PSMB4: variants seen among roughly 807,000 people sequenced by gnomAD.
The protein encoded by PSMB4 is proteasome subunit beta type-4.
Under a neutral mutation model 35.2 loss-of-function variants are expected in PSMB4, and 16 were observed. The ratio of observed to expected loss-of-function variants is 0.45; its 90% CI spans 0.31 to 0.69. The LOEUF is 0.69. Among genes scored for constraint, PSMB4 ranks in the 30% least tolerant of loss-of-function variants. The probability of loss-of-function intolerance (pLI) is 0.06; values close to 1 mark genes in which losing one functional copy is unlikely to be tolerated. For synonymous variants in PSMB4, 144 were observed against 134.1 expected (o/e 1.07, Z -0.51); for missense variants, 333 against 351.8 (o/e 0.95, Z 0.43).
In PSMB4 at chr1:151,400,794, A is replaced by T; in HGVS notation, c.525A>T (p.Val175=). The change falls in exon 4 of 7, where the codon GTA becomes GTT. Residue 175 remains valine (V), a synonymous_variant. Coordinates refer to ENST00000290541, the MANE Select transcript of PSMB4 (RefSeq NM_002796.3). ...SFLGYVDMLG[V]AYEAPSLATG... Reference sequence around the variant, plus strand: ...TCGGTTATGTGGACATGCTTGGTGTAGCCTATGAAGCCCCTTCGCTGGCCA... The same window carrying T: ...TCGGTTATGTGGACATGCTTGGTGTTGCCTATGAAGCCCCTTCGCTGGCCA... 1 of 1,614,160 alleles carries T rather than the reference A, an allele frequency of 6.2e-7. No individual in the cohort carries two copies. The highest frequency in any genetic ancestry group is 8.5e-7 in the Non-Finnish European group (1 of 1,180,018).
At chr1:151,400,904 T>TG in intron 4 of PSMB4, 59 bp downstream of exon 4, 1 of 1,494,892 alleles carries the variant, frequency 6.7e-7, no homozygotes, top group South Asian at 1.1e-5. Flanking sequence ...GATTAGTGGT[T>TG]GTCTGCTTTT....
chr1:151,399,946 C>G, intron 1 of PSMB4, 35 bp from the exon 2 acceptor site: 1 of 1,582,100 alleles, frequency 6.3e-7, no homozygotes, highest in Non-Finnish European at 8.7e-7. Flanking sequence ...CGCAGTCCAT[C>G]CCCCCTCTCA....
Position 151,399,682 on chromosome 1 carries a change from T to C in PSMB4, c.95T>C (p.Met32Thr), listed in dbSNP as rs752044137. ...ATTCCGTCCACTCCCGATTCCTTCA[T>C]GGATCCGGCGTCTGCACTTTACAGA... The part of the protein sequence containing the change: ...YRIPSTPDSF[M>T]DPASALYRGP... Residue 32 changes from methionine (M) to threonine (T), a missense_variant, in exon 1 of 7, where the codon ATG becomes ACG. Transcript: ENST00000290541. 4.3e-6 allele frequency: 7 copies of C among 1,614,168 alleles called. No homozygotes were observed. The Admixed American group carries it at 6.7e-5, about 15-fold the overall frequency.
intron 2 of PSMB4, 57 bp downstream of exon 2, chr1:151,400,244 T>C: frequency 6.4e-7 from 1 of 1,566,042 alleles, no homozygotes; most frequent in Non-Finnish European, 8.8e-7. Flanking sequence ...AGTCCCCTGT[T>C]TTTTATTCCC....
intron 2 of PSMB4, 103 bp from the exon 3 acceptor site, chr1:151,400,339 G>C: frequency 6.7e-7 from 1 of 1,487,470 alleles, no homozygotes; most frequent in South Asian, 1.2e-5. Flanking sequence ...TAAAGTTTTT[G>C]GCATTAGGTG....
Position 151,400,013 on chromosome 1 carries a change from G to T in PSMB4, c.173G>T (p.Gly58Val). The T allele has an allele frequency of 6.2e-7, 1 of 1,614,054 alleles. No homozygotes were observed. The highest frequency in any genetic ancestry group is 8.5e-7 in the Non-Finnish European group (1 of 1,179,964). Residue 58 changes from glycine to valine, a missense_variant, in exon 2 of 7, where the codon GGC becomes GTC. Transcript: ENST00000290541. ...NPMVTGTSVL[G>V]VKFEGGVVIA... ...ATGGTGACCGGGACCTCAGTCCTCG[G>T]CGTTAAGTTCGAGGGCGGAGTGGTG...
At position 151,401,611 on chromosome 1, in the gene PSMB4, G is replaced by A. The variant is rs1171659648; in HGVS notation, c.763G>A (p.Asp255Asn). 3 of 1,609,864 alleles carry A rather than the reference G, an allele frequency of 1.9e-6. No individual in the cohort carries two copies. The highest frequency in any genetic ancestry group is 1.6e-4 in the Middle Eastern group (1 of 6,078). Reference protein sequence around the residue: ...EGPLSTETNWDIAHMISGFE With the variant: ...EGPLSTETNWNIAHMISGFE ...ACCATTGTCTACAGAGACCAACTGG[G>A]ATATTGCCCACATGATCAGGTGAGT... is the stretch of plus-strand genomic sequence containing the variant. Residue 255 changes from aspartate to asparagine, a missense_variant, in exon 6 of 7, where the codon GAT becomes AAT. By Grantham distance (23) the Asp-to-Asn change is conservative (BLOSUM62 1). Coordinates refer to ENST00000290541, the MANE Select transcript of PSMB4 (RefSeq NM_002796.3).
rs762622171 is a variant in PSMB4 at position 151,400,078 on chromosome 1, C to A, written c.238C>A (p.Arg80Ser). The part of the protein sequence containing the change: ...DMLGSYGSLA[R>S]FRNISRIMRV... ...GCTGGGATCCTACGGCTCCTTGGCTCGTTTCCGCAACATCTCTCGCATTAT... is the reference window on the plus strand; with the variant it reads ...GCTGGGATCCTACGGCTCCTTGGCTAGTTTCCGCAACATCTCTCGCATTAT... The change falls in exon 2 of 7, where the codon CGT becomes AGT. Residue 80 changes from arginine (R) to serine (S), a missense_variant. Transcript: ENST00000290541. The A allele has an allele frequency of 2.5e-6, 4 of 1,614,114 alleles. No individual in the cohort carries two copies. In the South Asian group the frequency reaches 4.4e-5, roughly 18 times the overall value.
At chr1:151,399,854 G>C in intron 1 of PSMB4, 127 bp downstream of exon 1, 1 of 1,559,346 alleles carries the variant, frequency 6.4e-7, no homozygotes, top group African/African-American at 1.4e-5. Context: ...GGGGAGCTCA[G>C]GGCGCGGAGT....
chr1:151,400,425 A>T lies in PSMB4; in HGVS notation c.348-17A>T. 1.2e-6 allele frequency: 2 copies of T among 1,610,646 alleles called. No homozygotes were observed. Among genetic ancestry groups the T allele is most frequent in the Non-Finnish European group, 1.7e-6 (2 of 1,178,702 alleles). ...GACTTAATTCTCTCCCTTTTCTCAC[A>T]ACCAATTCCTTTTAAGGATTGATGA... On this transcript the variant is annotated splice_polypyrimidine_tract_variant and intron_variant, in intron 2 of 6. Transcript: ENST00000290541.
chr1:151,399,662 G>A lies in PSMB4; in HGVS notation c.75G>A (p.Pro25=), dbSNP rs7172. 0.76 allele frequency: 1,225,270 copies of A among 1,613,768 alleles called. 485,174 individuals are homozygous for A. The highest frequency in any genetic ancestry group is 0.82 in the Non-Finnish European group (973,075 of 1,179,946). The change falls in exon 1 of 7, where the codon CCG becomes CCA. Residue 25 remains proline (P), a synonymous_variant. Coordinates refer to ENST00000290541, the MANE Select transcript of PSMB4 (RefSeq NM_002796.3). ...CCCCAGGACAGTTTTACCGCATTCC[G>A]TCCACTCCCGATTCCTTCATGGATC... ...GPAPGQFYRI[P]STPDSFMDPA...
In PSMB4 at chr1:151,401,287, G is replaced by C. The variant is rs202077271; in HGVS notation, c.625G>C (p.Glu209Gln). 5.6e-6 allele frequency: 9 copies of C among 1,614,142 alleles called. No homozygotes were observed. The highest frequency in any genetic ancestry group is 5.5e-5 in the South Asian group (5 of 91,086). Reference sequence around the variant, plus strand: ...GAAGCAGCCAGTGCTAAGCCAGACCGAGGCCCGCGACTTAGTAGAACGCTG... The same window carrying C: ...GAAGCAGCCAGTGCTAAGCCAGACCCAGGCCCGCGACTTAGTAGAACGCTG... The part of the protein sequence containing the change: ...LEKQPVLSQT[E>Q]ARDLVERCMR... Residue 209 changes from glutamate to glutamine, a missense_variant, in exon 5 of 7, where the codon GAG becomes CAG. By Grantham distance (29) the Glu-to-Gln change is conservative. Transcript: ENST00000290541.
At position 151,401,541 on chromosome 1, in the gene PSMB4, G is replaced by GT. The variant is rs1652838151; in HGVS notation, c.696dup (p.Gln233SerfsTer11). 1 of 1,608,642 alleles carries GT rather than the reference G, an allele frequency of 6.2e-7. No individual in the cohort carries two copies. Among genetic ancestry groups the GT allele is most frequent in the Non-Finnish European group, 8.5e-7 (1 of 1,174,960 alleles). ...TTATTGAATGCTCTGCTTTCTTCCA[G>GT]TTTCAAATCGCCACTGTCACCGAAA... On this transcript the variant is annotated frameshift_variant and splice_region_variant. Transcript: ENST00000290541. LOFTEE classifies it high-confidence loss of function.
Position 151,399,624 on chromosome 1 carries a change from G to GC in PSMB4, c.38dup (p.Pro16SerfsTer45), listed in dbSNP as rs1652747141. 1 of 1,613,956 alleles carries GC rather than the reference G, an allele frequency of 6.2e-7. No individual in the cohort carries two copies. The highest frequency in any genetic ancestry group is 8.5e-7 in the Non-Finnish European group (1 of 1,180,006). On this transcript the variant is annotated frameshift_variant, in exon 1 of 7. Transcript: ENST00000290541. LOFTEE classifies it high-confidence loss of function. Reference sequence around the variant, plus strand: ...TTTGGGGTCGCGGTCCGGACTTTGGGCGGGGGGTCCGGCCCCAGGACAGTT... The same window carrying GC: ...TTTGGGGTCGCGGTCCGGACTTTGGGCCGGGGGGTCCGGCCCCAGGACAGTT...
intron 2 of PSMB4, 84 bp downstream of exon 2, chr1:151,400,271 G>A (rs1652767411): frequency 6.0e-6 from 9 of 1,503,380 alleles, no homozygotes; most frequent in Non-Finnish European, 8.3e-6. Flanking sequence ...GGGATGGGGG[G>A]ACTTGTTGCA....
intron 4 of PSMB4, 73 bp downstream of exon 4, chr1:151,400,918 C>T: frequency 2.1e-6 from 3 of 1,423,548 alleles, no homozygotes; most frequent in Non-Finnish European, 3.0e-6. Flanking sequence ...TGCTTTTCTC[C>T]TGAAATTCTG....
rs1235715459 is a variant in PSMB4 at position 151,399,625 on chromosome 1, C to CG, written c.44dup (p.Pro16SerfsTer45). On this transcript the variant is annotated frameshift_variant, in exon 1 of 7. Coordinates refer to ENST00000290541, the MANE Select transcript of PSMB4 (RefSeq NM_002796.3). LOFTEE classifies it high-confidence loss of function. ...TTGGGGTCGCGGTCCGGACTTTGGGCGGGGGGTCCGGCCCCAGGACAGTTT... is the reference window on the plus strand; with the variant it reads ...TTGGGGTCGCGGTCCGGACTTTGGGCGGGGGGGTCCGGCCCCAGGACAGTTT... 11 of 1,613,544 alleles carry CG rather than the reference C, an allele frequency of 6.8e-6. No homozygotes were observed. Among genetic ancestry groups the CG allele is most frequent in the Middle Eastern group, 1.7e-4 (1 of 6,058 alleles).
rs72996027 is a variant in PSMB4 at position 151,401,419 on chromosome 1, G to A, written c.693+64G>A. On this transcript the variant is annotated intron_variant, in intron 5 of 6. Transcript: ENST00000290541. ...CTACTTGCAATCCCTGGGTCTCTAT[G>A]CTTTGAAGAACAGATTGCCTTACTT... 3.0e-3 allele frequency: 4,667 copies of A among 1,555,752 alleles called. 133 individuals are homozygous for A. The African/African-American group carries it at 0.057, about 19-fold the overall frequency.
chr1:151,400,136 C>T lies in PSMB4; in HGVS notation c.296C>T (p.Ser99Phe). The change falls in exon 2 of 7, where the codon TCT becomes TTT. Residue 99 changes from serine (S) to phenylalanine (F), a missense_variant. Physicochemically the swap from Ser to Phe is radical, Grantham distance 155. Transcript: ENST00000290541. ...AACAACAGTACCATGCTGGGTGCCT[C>T]TGGCGACTACGCTGATTTCCAGTAT... is the stretch of plus-strand genomic sequence containing the variant. ...RVNNSTMLGA[S>F]GDYADFQYLK... 1 of 1,614,212 alleles carries T rather than the reference C, an allele frequency of 6.2e-7. No homozygotes were observed. Among genetic ancestry groups the T allele is most frequent in the Non-Finnish European group, 8.5e-7 (1 of 1,180,052 alleles).
Sources: allele counts gnomAD v4.1 joint callset, GRCh38; gene constraint gnomAD v4.1.1; transcripts MANE v1.5; gene names NCBI Gene and HGNC (gene_info 2026-07-23, HGNC 2026-07-21).